TCF12: variants seen among roughly 807,000 people sequenced by gnomAD.
TCF12 encodes DNA-binding protein HTF4.
TCF12 carries 45 observed loss-of-function variants against 86.0 expected under a neutral mutation model. That is an observed-to-expected ratio of 0.52 (90% CI 0.41 to 0.67). The LOEUF (loss-of-function observed/expected upper bound fraction) is 0.67. Ranked by LOEUF, TCF12 falls within the 30% of genes least tolerant of loss-of-function variation. The pLI is 0.00. For missense variants in TCF12, 881 were observed against 859.9 expected (o/e 1.02, Z -0.31); for synonymous variants, 330 against 299.6 (o/e 1.10, Z -1.05).
At chr15:57,065,916 C>A (rs545011873) in intron 4 of TCF12, among the ~76,000 whole-genome samples, 57 of 152,236 alleles carry the variant, frequency 3.7e-4, no homozygotes, top group African/African-American at 1.3e-3. Flanking sequence ...TTCTACCTGT[C>A]TATTGAGAGA....
At chr15:56,953,892 T>TTCTC (rs1555456462) in intron 3 of TCF12, among the ~76,000 whole-genome samples, 1 of 151,346 alleles carries the variant, frequency 6.6e-6, no homozygotes, top group Non-Finnish European at 1.5e-5. Context: ...TTTTTTTTTT[T>TTCTC]TCTCTATTTT....
At chr15:56,983,450 C>T (rs1265689796) in intron 3 of TCF12, among the ~76,000 whole-genome samples, 1 of 152,108 alleles carries the variant, frequency 6.6e-6, no homozygotes, top group African/African-American at 2.4e-5. Flanking sequence ...GATATTACTG[C>T]ACAGTTCTTT....
intron 5 of TCF12, among the ~76,000 whole-genome samples, chr15:57,111,802 A>G (rs1252484020): frequency 6.6e-6 from 1 of 151,884 alleles, no homozygotes; most frequent in Admixed American, 6.6e-5. Flanking sequence ...CATGTTGTTC[A>G]AGCTGGTCTC....
chr15:57,071,074 G>A (rs2150998363), intron 4 of TCF12, among the ~76,000 whole-genome samples: 1 of 152,160 alleles, frequency 6.6e-6, no homozygotes, highest in Middle Eastern at 3.4e-3. Flanking sequence ...TTATAGTTCA[G>A]GAAATATGCT....
chr15:57,004,070 T>C (rs1228721255), intron 3 of TCF12, among the ~76,000 whole-genome samples: 1 of 152,144 alleles, frequency 6.6e-6, no homozygotes, highest in African/African-American at 2.4e-5. Flanking sequence ...AGTGATGTAA[T>C]TTCTATAAAG....
At chr15:57,253,499 A>C in intron 16 of TCF12, 31 bp downstream of exon 16, 2 of 1,607,868 alleles carry the variant, frequency 1.2e-6, no homozygotes, top group South Asian at 2.2e-5. Flanking sequence ...TTTGTAGTAA[A>C]CCCTAAAGAT....
At chr15:57,089,590 T>G (rs1468284319) in intron 4 of TCF12, among the ~76,000 whole-genome samples, 4 of 151,802 alleles carry the variant, frequency 2.6e-5, no homozygotes, top group South Asian at 2.1e-4. Context: ...AATAGTTTTT[T>G]TTTTTTTTTT....
At chr15:57,263,055 TG>T in intron 17 of TCF12, 56 bp from the exon 18 acceptor site, 1 of 1,544,568 alleles carries the variant, frequency 6.5e-7, no homozygotes, top group Non-Finnish European at 8.7e-7. Flanking sequence ...TTGTCTTAGC[TG>T]TAATTCATAT....
chr15:57,157,556 T>C (rs1214345014), intron 5 of TCF12, among the ~76,000 whole-genome samples: 6 of 149,966 alleles, frequency 4.0e-5, no homozygotes, highest in African/African-American at 1.2e-4. Context: ...TTTACTTCTT[T>C]TTTTTTTTTT....
intron 19 of TCF12, 195 bp from the exon 20 acceptor site, chr15:57,282,250 A>C: frequency 1.6e-6 from 1 of 635,006 alleles, no homozygotes; most frequent in South Asian, 2.0e-5. Context: ...TGAAGAAAAC[A>C]CAAGATGGTC....
intron 3 of TCF12, among the ~76,000 whole-genome samples, chr15:56,960,127 G>A (rs1202344916): frequency 6.6e-6 from 1 of 152,128 alleles, no homozygotes; most frequent in African/African-American, 2.4e-5. Flanking sequence ...TAATTTATTT[G>A]TATTCTGACT....
At chr15:57,093,892 A>G (rs531988404) in intron 5 of TCF12, among the ~76,000 whole-genome samples, 6 of 152,290 alleles carry the variant, frequency 3.9e-5, no homozygotes, top group Non-Finnish European at 8.8e-5. Context: ...ACTTTGTATC[A>G]GATGCAGATA....
rs2066945730 is a variant in TCF12 at position 57,042,262 on chromosome 15, T to C, written c.149-21488T>C. ...AGCAAGTGTGGGTCTGGCTCATTTG[T>C]GGTTCATCAGATGGACGTGGACGAA... On this transcript the variant is annotated intron_variant, in intron 3 of 20. Transcript: ENST00000333725. Among the ~76,000 whole-genome samples, 3 of 152,088 alleles carry C rather than the reference T, an allele frequency of 2.0e-5. No individual in the cohort carries two copies. In the South Asian group the frequency reaches 6.2e-4, roughly 32 times the overall value.
At chr15:56,999,414 C>CA (rs59853161) in intron 3 of TCF12, among the ~76,000 whole-genome samples, 1 of 152,164 alleles carries the variant, frequency 6.6e-6, no homozygotes, top group Non-Finnish European at 1.5e-5. Context: ...AGCAACCAAA[C>CA]GGGATATCAT....
chr15:57,282,671 G>C (rs951983494), intron 20 of TCF12, 73 bp downstream of exon 20: 2 of 1,529,950 alleles, frequency 1.3e-6, no homozygotes, highest in Admixed American at 2.1e-5. Flanking sequence ...TAGAATCTTT[G>C]AACAGAATTC....
chr15:57,095,685 G>T (rs561773013), intron 5 of TCF12, among the ~76,000 whole-genome samples: 73 of 152,102 alleles, frequency 4.8e-4, no homozygotes, highest in Non-Finnish European at 8.8e-4. Context: ...TTTAAAGAGT[G>T]AATGTAATAT....
intron 4 of TCF12, among the ~76,000 whole-genome samples, chr15:57,079,977 CG>C (rs1207777545): frequency 6.6e-6 from 1 of 152,100 alleles, no homozygotes; most frequent in African/African-American, 2.4e-5. Flanking sequence ...ATTCTAAAAA[CG>C]CTTTCTCAAA....
chr15:57,004,952 T>G (rs371973625), intron 3 of TCF12, among the ~76,000 whole-genome samples: 6 of 152,252 alleles, frequency 3.9e-5, no homozygotes, highest in African/African-American at 1.4e-4. Flanking sequence ...CTATACTATA[T>G]GCTGTTTTAG....
At chr15:57,178,386 C>G (rs1176121254) in intron 6 of TCF12, among the ~76,000 whole-genome samples, 3 of 151,858 alleles carry the variant, frequency 2.0e-5, no homozygotes, top group African/African-American at 7.3e-5. Flanking sequence ...ATGTCTAATG[C>G]TATATTGGGT....
Sources: gnomAD v4.1 joint callset for allele counts (sites outside exome capture counted in the v4.1 genomes callset) on GRCh38, gnomAD v4.1.1 for gene constraint, MANE v1.5 for transcripts, NCBI Gene and HGNC (gene_info 2026-07-23, HGNC 2026-07-21) for gene names.